CEMIP: variants seen among roughly 807,000 people sequenced by gnomAD.
The protein encoded by CEMIP is cell migration-inducing and hyaluronan-binding protein.
Under a neutral mutation model 156.9 loss-of-function variants are expected in CEMIP, and 105 were observed. The observed-to-expected ratio is 0.67, with a 90% CI of 0.57 to 0.79. The LOEUF (loss-of-function observed/expected upper bound fraction) is 0.79, where lower values mean the gene tolerates loss of function less well. Ranked by LOEUF, CEMIP falls within the 30% of genes least tolerant of loss-of-function variation. The probability of loss-of-function intolerance (pLI) is 0.00; values close to 1 mark genes in which losing one functional copy is unlikely to be tolerated. For missense variants in CEMIP, 1,457 were observed against 1,769.4 expected, an observed-to-expected ratio of 0.82 and a Z score of 3.17; for synonymous variants, 676 against 668.4, an observed-to-expected ratio of 1.01 and a Z score of -0.17.
chr15:80,838,762 C>A (rs1198622912), intron 1 of CEMIP, among the ~76,000 whole-genome samples: 1 of 152,176 alleles, frequency 6.6e-6, no homozygotes, highest in Non-Finnish European at 1.5e-5. Context: ...CATGTTCTCT[C>A]TTCAGAAGTA....
At position 80,889,507 on chromosome 15, in the gene CEMIP, T is replaced by C. The variant is rs1836036744; in HGVS notation, c.1001T>C (p.Val334Ala). ...ACGGAGTGGTTCGATCATGATAAAG[T>C]ATCTCAGACTAAAGGTGGGGAGAAA... ...EWTEWFDHDKVSQTKGGEKIS... is the reference protein window; with the variant it reads ...EWTEWFDHDKASQTKGGEKIS... Residue 334 changes from valine to alanine, a missense_variant, in exon 10 of 30, where the codon GTA becomes GCA. Physicochemically the swap from Val to Ala is moderately conservative, Grantham distance 64. This residue lies in a region of CEMIP where 280 missense variants were observed against 300.3 expected (regional missense o/e 0.93). Transcript: ENST00000394685. 1.2e-6 allele frequency: 2 copies of C among 1,614,154 alleles called. No homozygotes were observed. Among genetic ancestry groups the C allele is most frequent in the Non-Finnish European group, 1.7e-6 (2 of 1,180,012 alleles).
chr15:80,853,931 T>A (rs1445333172), intron 1 of CEMIP, among the ~76,000 whole-genome samples: 1 of 152,240 alleles, frequency 6.6e-6, no homozygotes, highest in Non-Finnish European at 1.5e-5. Flanking sequence ...CAAGTCATGG[T>A]CTTGATGGTT....
At chr15:80,871,980 C>T (rs547751926) in intron 1 of CEMIP, among the ~76,000 whole-genome samples, 15 of 152,290 alleles carry the variant, frequency 9.8e-5, no homozygotes, top group African/African-American at 3.4e-4. Context: ...TAAGAGGACA[C>T]GGCCGGCATT....
chr15:80,924,548 G>A, intron 17 of CEMIP, 73 bp from the exon 18 acceptor site: 1 of 1,325,772 alleles, frequency 7.5e-7, no homozygotes, highest in Non-Finnish European at 1.1e-6. Context: ...AGTATGCAGT[G>A]AGGCTGACTG....
chr15:80,911,843 C>T (rs903656610), intron 14 of CEMIP, among the ~76,000 whole-genome samples: 2 of 151,996 alleles, frequency 1.3e-5, no homozygotes, highest in African/African-American at 4.8e-5. Context: ...GCCTTGGGCA[C>T]TCTAGGACAC....
chr15:80,836,869 G>A (rs1156296973), intron 1 of CEMIP, among the ~76,000 whole-genome samples: 1 of 152,220 alleles, frequency 6.6e-6, no homozygotes, highest in Non-Finnish European at 1.5e-5. Context: ...CAGCAAGGCA[G>A]AATAATGTGA....
chr15:80,833,673 CTTTTTTT>C (rs34449516), intron 1 of CEMIP, among the ~76,000 whole-genome samples: 2 of 132,784 alleles, frequency 1.5e-5, no homozygotes, highest in Non-Finnish European at 3.2e-5. Context: ...TTTTTTTTTT[CTTTTTTT>C]TTTTTTTGGA....
intron 9 of CEMIP, 133 bp downstream of exon 9, chr15:80,888,929 G>C: frequency 1.2e-6 from 1 of 849,226 alleles, no homozygotes; most frequent in Non-Finnish European, 2.0e-6. Context: ...AACTAAAAAT[G>C]TGCAACCAAA....
chr15:80,916,849 T>C (rs908889377), intron 14 of CEMIP, among the ~76,000 whole-genome samples: 9 of 152,216 alleles, frequency 5.9e-5, no homozygotes, highest in African/African-American at 2.2e-4. Context: ...CTCTTGATTC[T>C]GTGTGTCATC....
intron 19 of CEMIP, among the ~76,000 whole-genome samples, chr15:80,926,917 G>GA: frequency 6.7e-6 from 1 of 149,790 alleles, no homozygotes; most frequent in South Asian, 2.1e-4. Context: ...TGCAACCTCT[G>GA]CTTCCTGGGT....
intron 10 of CEMIP, 33 bp from the exon 11 acceptor site, chr15:80,894,957 G>T (rs574032823): frequency 3.7e-6 from 6 of 1,610,560 alleles, no homozygotes; most frequent in South Asian, 3.3e-5. Context: ...AAAAAAAAAC[G>T]ACTTTGCTCT....
chr15:80,867,867 G>A (rs1898172152), intron 1 of CEMIP, among the ~76,000 whole-genome samples: 1 of 152,184 alleles, frequency 6.6e-6, no homozygotes, highest in African/African-American at 2.4e-5. Flanking sequence ...GAGGCGGTGG[G>A]GCAGGGGGGC....
At chr15:80,921,579 A>G (rs1263686507) in intron 16 of CEMIP, among the ~76,000 whole-genome samples, 1 of 152,182 alleles carries the variant, frequency 6.6e-6, no homozygotes, top group Non-Finnish European at 1.5e-5. Context: ...ACGGCACTCC[A>G]TCCACACAGC....
chr15:80,792,723 C>A (rs1380143438), intron 1 of CEMIP, among the ~76,000 whole-genome samples: 1 of 152,126 alleles, frequency 6.6e-6, no homozygotes, highest in African/African-American at 2.4e-5. Flanking sequence ...AAGCTATGGG[C>A]AGTAGCTGGT....
At chr15:80,798,072 A>G (rs1327964877) in intron 1 of CEMIP, among the ~76,000 whole-genome samples, 3 of 152,226 alleles carry the variant, frequency 2.0e-5, no homozygotes, top group Non-Finnish European at 2.9e-5. Context: ...GTGCATGTGT[A>G]TATACATATT....
At chr15:80,893,087 T>G (rs1899088076) in intron 10 of CEMIP, among the ~76,000 whole-genome samples, 1 of 151,964 alleles carries the variant, frequency 6.6e-6, no homozygotes, top group African/African-American at 2.4e-5. Flanking sequence ...CTCGGGAGGC[T>G]GAGGCAGAAG....
intron 1 of CEMIP, among the ~76,000 whole-genome samples, chr15:80,784,613 G>T (rs1426699463): frequency 6.6e-6 from 1 of 152,190 alleles, no homozygotes; most frequent in Non-Finnish European, 1.5e-5. Flanking sequence ...TGTACTCCTT[G>T]CCTGGACTAT....
intron 23 of CEMIP, 27 bp downstream of exon 23, chr15:80,933,487 C>T: frequency 6.3e-7 from 1 of 1,575,858 alleles, no homozygotes; most frequent in Middle Eastern, 1.7e-4. Flanking sequence ...GGGGGCCGGC[C>T]ACTCACTTAT....
intron 19 of CEMIP, among the ~76,000 whole-genome samples, chr15:80,927,831 G>A (rs959844302): frequency 6.6e-6 from 1 of 152,158 alleles, no homozygotes. Context: ...CAGGAAGTTT[G>A]GGAAAATAAA....
Sources: gnomAD v4.1 joint callset for allele counts (sites outside exome capture counted in the v4.1 genomes callset) on GRCh38, gnomAD v4.1.1 for gene constraint, gnomAD v4.1.1 regional missense constraint, MANE v1.5 for transcripts, NCBI Gene and HGNC (gene_info 2026-07-23, HGNC 2026-07-21) for gene names.